Variants in MIB1 observed in about 807,000 individuals in gnomAD.
MIB1 encodes the protein MIB E3 ubiquitin protein ligase 1.
A neutral mutation model predicts 124.5 loss-of-function variants in MIB1; 278 were observed. The ratio of observed to expected loss-of-function variants is 2.23; its 90% CI spans 2.02 to 2.47. The LOEUF (loss-of-function observed/expected upper bound fraction) is 2.47, where lower values mean the gene tolerates loss of function less well. Ranked by LOEUF, MIB1 falls within the 30% of genes most tolerant of loss-of-function variation. The pLI is 0.00. For missense variants in MIB1, 957 were observed against 1,254.4 expected, an observed-to-expected ratio of 0.76 and a Z score of 3.58; for synonymous variants, 446 against 429.4, an observed-to-expected ratio of 1.04 and a Z score of -0.48.
intron 10 of MIB1, among the ~76,000 whole-genome samples, chr18:21,814,155 A>T (rs2041804103): frequency 6.6e-6 from 1 of 152,168 alleles, no homozygotes; most frequent in African/African-American, 2.4e-5. Flanking sequence ...TGCCTGTTAC[A>T]GGAGGTGAGG....
chr18:21,864,809 A>G lies in MIB1; in HGVS notation c.*143A>G. 1 of 528,572 alleles carries G rather than the reference A, an allele frequency of 1.9e-6. No homozygotes were observed. Among genetic ancestry groups the G allele is most frequent in the Non-Finnish European group, 3.2e-6 (1 of 316,590 alleles). 32.7% of individuals were successfully genotyped at this position (528,572 alleles called of 1,614,324 possible). A position where few individuals can be genotyped will look rare whatever the true frequency, so the allele number is the denominator to read the frequency against. On this transcript the variant is annotated 3_prime_UTR_variant, in exon 21 of 21. Transcript: ENST00000261537. The stretch of plus-strand genomic sequence containing the variant: ...AGTATAATTGGGCTGTAAATGTACC[A>G]GAACAAAAAACCCTACAAAATGGTG...
intron 3 of MIB1, among the ~76,000 whole-genome samples, chr18:21,768,996 T>C (rs1039846049): frequency 6.6e-6 from 1 of 152,230 alleles, no homozygotes; most frequent in African/African-American, 2.4e-5. Context: ...ATTGTCATTT[T>C]GTTACCTAGC....
intron 13 of MIB1, among the ~76,000 whole-genome samples, chr18:21,842,414 C>T (rs1418830690): frequency 1.3e-5 from 2 of 152,134 alleles, no homozygotes; most frequent in Non-Finnish European, 2.9e-5. Context: ...ACTTAATCTT[C>T]ACATTAGCCC....
rs947673309 is a variant in MIB1 at position 21,740,970 on chromosome 18, C to G, written c.-614C>G. Reference sequence around the variant, plus strand: ...ACCCGGATGTGGAGTCGCTCTCGCCCGGCTGGGACTCTGTGGCGGGGCGGA... The same window carrying G: ...ACCCGGATGTGGAGTCGCTCTCGCCGGGCTGGGACTCTGTGGCGGGGCGGA... On this transcript the variant is annotated 5_prime_UTR_variant, in exon 1 of 21. Coordinates refer to ENST00000261537, the MANE Select transcript of MIB1 (RefSeq NM_020774.4). Among the ~76,000 whole-genome samples the G allele has an allele frequency of 2.6e-5, 4 of 152,204 alleles. No homozygotes were observed. The highest frequency in any genetic ancestry group is 1.9e-4 in the East Asian group (1 of 5,172).
At chr18:21,771,012 A>C (rs2041218658) in intron 3 of MIB1, among the ~76,000 whole-genome samples, 1 of 152,166 alleles carries the variant, frequency 6.6e-6, no homozygotes, top group Non-Finnish European at 1.5e-5. Context: ...CTCATATGTG[A>C]TGCTGTGTAT....
At chr18:21,769,975 G>A (rs899266466) in intron 3 of MIB1, among the ~76,000 whole-genome samples, 5 of 151,952 alleles carry the variant, frequency 3.3e-5, no homozygotes, top group Non-Finnish European at 7.4e-5. Flanking sequence ...AGGCTGAGGC[G>A]GGTGGATCAT....
intron 6 of MIB1, among the ~76,000 whole-genome samples, chr18:21,790,566 C>T (rs1055448313): frequency 6.6e-6 from 1 of 151,982 alleles, no homozygotes; most frequent in Non-Finnish European, 1.5e-5. Flanking sequence ...GTCCCTATGT[C>T]TGCGTATACA....
At chr18:21,857,632 G>T (rs145119805) in intron 19 of MIB1, among the ~76,000 whole-genome samples, 2 of 152,186 alleles carry the variant, frequency 1.3e-5, no homozygotes, top group Non-Finnish European at 2.9e-5. Context: ...TATGCAACAG[G>T]TTTATTTGCT....
At chr18:21,844,044 C>T (rs377711974) in intron 14 of MIB1, 48 bp from the exon 15 acceptor site, 44 of 1,594,622 alleles carry the variant, frequency 2.8e-5, no homozygotes, top group Non-Finnish European at 3.6e-5. Flanking sequence ...GTTGAAGTTT[C>T]TTATGGATGT....
intron 10 of MIB1, among the ~76,000 whole-genome samples, chr18:21,814,805 T>C (rs996297043): frequency 2.0e-5 from 3 of 151,032 alleles, no homozygotes; most frequent in Non-Finnish European, 4.4e-5. Flanking sequence ...AACTCCTAAC[T>C]TCAGGTGATC....
chr18:21,809,131 A>G (rs1262719937), intron 10 of MIB1, among the ~76,000 whole-genome samples: 1 of 152,146 alleles, frequency 6.6e-6, no homozygotes, highest in Non-Finnish European at 1.5e-5. Context: ...AGAGAGTACT[A>G]TGAACAATAT....
At chr18:21,833,726 C>G (rs1474202771) in intron 12 of MIB1, among the ~76,000 whole-genome samples, 1 of 152,214 alleles carries the variant, frequency 6.6e-6, no homozygotes, top group Non-Finnish European at 1.5e-5. Context: ...CTTGTCCCCT[C>G]TGCTTCTTTA....
chr18:21,845,934 C>G (rs2042130946), intron 15 of MIB1, among the ~76,000 whole-genome samples: 1 of 152,104 alleles, frequency 6.6e-6, no homozygotes, highest in African/African-American at 2.4e-5. Flanking sequence ...AAAAGACTTT[C>G]TTTTTCTACT....
At chr18:21,755,967 G>A (rs896610653) in intron 1 of MIB1, among the ~76,000 whole-genome samples, 2 of 152,114 alleles carry the variant, frequency 1.3e-5, no homozygotes, top group African/African-American at 4.8e-5. Context: ...TGTTTAATTT[G>A]TGGCAGTTTT....
chr18:21,740,681 C>A (rs925081216), upstream of MIB1, among the ~76,000 whole-genome samples: 2 of 152,250 alleles, frequency 1.3e-5, no homozygotes, highest in African/African-American at 4.8e-5. Flanking sequence ...GCGCGCGGCA[C>A]CACCGGGCGG....
intron 10 of MIB1, among the ~76,000 whole-genome samples, chr18:21,814,699 G>A (rs971625283): frequency 2.6e-5 from 4 of 151,630 alleles, no homozygotes; most frequent in Non-Finnish European, 4.4e-5. Flanking sequence ...TCAGCCTCCC[G>A]GGTAGCTGGG....
intron 12 of MIB1, among the ~76,000 whole-genome samples, chr18:21,835,818 CACACACACACACACACACACAA>C (rs1277040845): frequency 2.2e-5 from 1 of 44,878 alleles, no homozygotes. Flanking sequence ...CACACACACA[CACACACACACACACACACACAA>C]ACACACACGA....
At chr18:21,848,132 GT>G (rs1193365965) in intron 16 of MIB1, among the ~76,000 whole-genome samples, 1 of 152,168 alleles carries the variant, frequency 6.6e-6, no homozygotes, top group Non-Finnish European at 1.5e-5. Flanking sequence ...TTCTTTAAGT[GT>G]ATTGTTAAGG....
intron 20 of MIB1, among the ~76,000 whole-genome samples, chr18:21,862,827 C>T (rs529778275): frequency 1.9e-4 from 29 of 152,216 alleles, no homozygotes; most frequent in Non-Finnish European, 3.7e-4. Context: ...AGCTACTTCT[C>T]AGCACTGCTC....
Sources: allele counts gnomAD v4.1 joint callset (sites outside exome capture counted in the v4.1 genomes callset), GRCh38; gene constraint gnomAD v4.1.1; transcripts MANE v1.5; gene names NCBI Gene and HGNC (gene_info 2026-07-23, HGNC 2026-07-21).